GPR174: variants seen among roughly 807,000 people sequenced by gnomAD.
GPR174 encodes the protein probable G protein-coupled receptor 174.
GPR174 carries 8 observed loss-of-function variants against 16.5 expected under a neutral mutation model. The ratio of observed to expected loss-of-function variants is 0.48; its 90% CI spans 0.28 to 0.87. The LOEUF (loss-of-function observed/expected upper bound fraction) is 0.87. Ranked by LOEUF, GPR174 falls within the 40% of genes least tolerant of loss-of-function variation. GPR174 has a pLI of 0.09. For missense variants in GPR174, 214 were observed against 247.5 expected (o/e 0.86, Z 0.91); for synonymous variants, 111 against 94.8 (o/e 1.17, Z -0.99).
chrX:79,174,192 C>A lies in GPR174; in HGVS notation c.*2183C>A, dbSNP rs1243745344. 1.8e-5 allele frequency: 2 copies of A among 109,308 alleles called. No individual in the cohort carries two copies. The highest frequency in any genetic ancestry group is 6.7e-5 in the African/African-American group (2 of 30,061). 9.0% of individuals were successfully genotyped at this position (109,308 alleles called of 1,213,427 possible). Reference sequence around the variant, plus strand: ...TGTTAGGCAGCCCATTTACATCATTCCAAAAAAGGACCAGTATTCAGTGTT... The same window carrying A: ...TGTTAGGCAGCCCATTTACATCATTACAAAAAAGGACCAGTATTCAGTGTT... On this transcript the variant is annotated 3_prime_UTR_variant, in exon 3 of 3. Coordinates refer to ENST00000645147, the MANE Select transcript of GPR174 (RefSeq NM_032553.3).
At position 79,173,502 on chromosome X, in the gene GPR174, T is replaced by A. The variant is rs1253528971; in HGVS notation, c.*1493T>A. 8.9e-6 allele frequency: 1 copy of A among 112,165 alleles called. No individual in the cohort carries two copies. Among genetic ancestry groups the A allele is most frequent in the Non-Finnish European group, 1.9e-5 (1 of 53,213 alleles). 9.2% of individuals were successfully genotyped at this position (112,165 alleles called of 1,213,427 possible). A position where few individuals can be genotyped will look rare whatever the true frequency, so the allele number is the denominator to read the frequency against. On this transcript the variant is annotated 3_prime_UTR_variant, in exon 3 of 3. Transcript: ENST00000645147. ...CTATATAATGAAGATACCTTCTACG[T>A]CTCACAGAAGGAATGTAGAACCCAA...
chrX:79,158,413 G>A (rs1270709303), intron 2 of GPR174, among the ~76,000 whole-genome samples: 6 of 104,498 alleles, frequency 5.7e-5, no homozygotes, highest in African/African-American at 2.1e-4. Flanking sequence ...AGCCTACACA[G>A]ACAGTGGCAT....
In GPR174 at chrX:79,172,569, C is replaced by T. The variant is rs1486532489; in HGVS notation, c.*560C>T. On this transcript the variant is annotated 3_prime_UTR_variant, in exon 3 of 3. Transcript: ENST00000645147. The stretch of plus-strand genomic sequence containing the variant: ...CTTCAGAGTTTGAAGATTAAAATAG[C>T]TATTTTCTTCATTTTTGTGTCAACA... 8.9e-6 allele frequency: 1 copy of T among 112,271 alleles called. No homozygotes were observed. The highest frequency in any genetic ancestry group is 1.9e-5 in the Non-Finnish European group (1 of 53,334). 9.3% of individuals were successfully genotyped at this position (112,271 alleles called of 1,213,427 possible).
intron 1 of GPR174, among the ~76,000 whole-genome samples, chrX:79,145,677 T>C (rs907590243): frequency 1.8e-5 from 2 of 111,858 alleles, no homozygotes; most frequent in African/African-American, 6.5e-5. Context: ...AAATGAATGG[T>C]TATTTGAAAA....
At chrX:79,160,298 C>T (rs1177834937) in intron 2 of GPR174, among the ~76,000 whole-genome samples, 1 of 110,914 alleles carries the variant, frequency 9.0e-6, no homozygotes, top group African/African-American at 3.3e-5. Context: ...ATTTGTCACC[C>T]GTAAAATTAT....
chrX:79,173,382 G>A lies in GPR174; in HGVS notation c.*1373G>A, dbSNP rs1012973086. 4 of 112,039 alleles carry A rather than the reference G, an allele frequency of 3.6e-5. No homozygotes were observed. Among genetic ancestry groups the A allele is most frequent in the African/African-American group, 9.7e-5 (3 of 30,834 alleles). The allele number at this position is 112,039 out of a possible 1,213,427, so 9.2% of individuals were successfully genotyped here. ...GGGAAACAGACCCAGGATATTAGTCGTAATTAAACCTTAGGTTGTAAGTAT... is the reference window on the plus strand; with the variant it reads ...GGGAAACAGACCCAGGATATTAGTCATAATTAAACCTTAGGTTGTAAGTAT... On this transcript the variant is annotated 3_prime_UTR_variant, in exon 3 of 3. Coordinates refer to ENST00000645147, the MANE Select transcript of GPR174 (RefSeq NM_032553.3).
rs192057785 is a variant in GPR174 at position 79,172,779 on chromosome X, T to C, written c.*770T>C. The stretch of plus-strand genomic sequence containing the variant: ...TCCATACAAGGTGACTCAATTGGGC[T>C]CTAGGCCTAGGAGAAAGCAGAAAGG... On this transcript the variant is annotated 3_prime_UTR_variant, in exon 3 of 3. Coordinates refer to ENST00000645147, the MANE Select transcript of GPR174 (RefSeq NM_032553.3). 1 of 111,840 alleles carries C rather than the reference T, an allele frequency of 8.9e-6. No homozygotes were observed. The highest frequency in any genetic ancestry group is 3.2e-5 in the African/African-American group (1 of 30,793). The allele number at this position is 111,840 out of a possible 1,213,427, so 9.2% of individuals were successfully genotyped here. A position where few individuals can be genotyped will look rare whatever the true frequency, so the allele number is the denominator to read the frequency against.
At chrX:79,164,906 A>G (rs1027834189) in intron 2 of GPR174, among the ~76,000 whole-genome samples, 2 of 111,322 alleles carry the variant, frequency 1.8e-5, no homozygotes, top group Non-Finnish European at 3.8e-5. Flanking sequence ...TAATCTAAGG[A>G]CAGAGTCTAG....
chrX:79,156,466 T>C, intron 1 of GPR174, among the ~76,000 whole-genome samples: 1 of 112,143 alleles, frequency 8.9e-6, no homozygotes, highest in Non-Finnish European at 1.9e-5. Flanking sequence ...AGACAACTTT[T>C]ACCCTTCAAC....
At position 79,171,668 on chromosome X, in the gene GPR174, G is replaced by A; in HGVS notation, c.661G>A (p.Asp221Asn). Residue 221 changes from aspartate to asparagine, a missense_variant, in exon 3 of 3, where the codon GAT becomes AAT. Coordinates refer to ENST00000645147, the MANE Select transcript of GPR174 (RefSeq NM_032553.3). ...SLQDKYPMAQ[D>N]LGEKQKALKM... ...GCAAGATAAATATCCCATGGCCCAA[G>A]ATCTTGGAGAGAAACAGAAAGCCTT... 1 of 1,211,462 alleles carries A rather than the reference G, an allele frequency of 8.3e-7. No homozygotes were observed. Among genetic ancestry groups the A allele is most frequent in the Admixed American group, 2.2e-5 (1 of 46,042 alleles).
In GPR174 at chrX:79,162,514, C is replaced by A. The variant is rs1395837939; in HGVS notation, c.-557+5596C>A. ...CAATAGCTAAAAATTATTAAATATG[C>A]CTTTAGATTTTATAACTTGAATGGC... On this transcript the variant is annotated intron_variant, in intron 2 of 2. Transcript: ENST00000645147. Among the ~76,000 whole-genome samples, 7 of 111,987 alleles carry A rather than the reference C, an allele frequency of 6.3e-5. No individual in the cohort carries two copies. In the Admixed American group the frequency reaches 6.6e-4, roughly 11 times the overall value.
Position 79,171,078 on chromosome X carries a change from T to C in GPR174, c.71T>C (p.Val24Ala), listed in dbSNP as rs760895016. The change falls in exon 3 of 3, where the codon GTG (valine) becomes GCG (alanine). Residue 24 changes from valine (V) to alanine (A), a missense_variant. By Grantham distance (64) the Val-to-Ala change is moderately conservative. Transcript: ENST00000645147. ...NTDFRYFIYA[V>A]TYTVILVPGL... is the part of the protein sequence containing the mutation. Reference sequence around the variant, plus strand: ...GATTTTCGATACTTTATTTATGCAGTGACATACACTGTCATTCTTGTGCCA... The same window carrying C: ...GATTTTCGATACTTTATTTATGCAGCGACATACACTGTCATTCTTGTGCCA... 4 of 1,205,992 alleles carry C rather than the reference T, an allele frequency of 3.3e-6. No individual in the cohort carries two copies. Among genetic ancestry groups the C allele is most frequent in the Non-Finnish European group, 4.5e-6 (4 of 890,554 alleles).
At position 79,173,830 on chromosome X, in the gene GPR174, TA is replaced by T. The variant is rs1450495813; in HGVS notation, c.*1824del. 2.0e-4 allele frequency: 23 copies of T among 112,419 alleles called. No homozygotes were observed. Among genetic ancestry groups the T allele is most frequent in the African/African-American group, 7.4e-4 (23 of 30,979 alleles). The allele number at this position is 112,419 out of a possible 1,213,427, so 9.3% of individuals were successfully genotyped here. On this transcript the variant is annotated 3_prime_UTR_variant, in exon 3 of 3. Transcript: ENST00000645147. ...TTTCAATAAGTGTTAAACTGTATTT[TA>T]AATAGGGCATCTATAACTGTGTCTT...
At chrX:79,148,612 G>A (rs146037620) in intron 1 of GPR174, among the ~76,000 whole-genome samples, 2 of 110,902 alleles carry the variant, frequency 1.8e-5, no homozygotes, top group Admixed American at 9.6e-5. Context: ...TTATCCCCTC[G>A]GACTCAGATG....
chrX:79,162,079 G>A (rs1921248202), intron 2 of GPR174, among the ~76,000 whole-genome samples: 1 of 112,252 alleles, frequency 8.9e-6, no homozygotes, highest in African/African-American at 3.2e-5. Flanking sequence ...TGCAGGTAAA[G>A]ATGGTAATTT....
chrX:79,166,432 C>CTTTTTTTTTTTTTTTTT (rs1174620976), intron 2 of GPR174, among the ~76,000 whole-genome samples: 1 of 43,625 alleles, frequency 2.3e-5, no homozygotes, highest in Non-Finnish European at 3.7e-5. Context: ...TTTCTTTTTT[C>CTTTTTTTTTTTTTTTTT]TTTTTTTTTT....
rs3827440 is a variant in GPR174, at chrX:79,171,491, T to A, written c.484T>A (p.Ser162Thr). 4 of 1,207,969 alleles carry A rather than the reference T, an allele frequency of 3.3e-6. No individual in the cohort carries two copies. The African/African-American group carries it at 7.1e-5, about 21-fold the overall frequency. The change falls in exon 3 of 3, where the codon TCT (serine) becomes ACT (threonine). Residue 162 changes from serine (S) to threonine (T), a missense_variant. Coordinates refer to ENST00000645147, the MANE Select transcript of GPR174 (RefSeq NM_032553.3). ...FPLLRTSDDT[S>T]GNRTKCFVDL... Reference sequence around the variant, plus strand: ...ACTCCTCAGAACCAGTGATGATACCTCTGGCAATAGGACCAAATGCTTTGT... The same window carrying A: ...ACTCCTCAGAACCAGTGATGATACCACTGGCAATAGGACCAAATGCTTTGT...
chrX:79,171,429 G>C lies in GPR174; in HGVS notation c.422G>C (p.Gly141Ala). 8.3e-7 allele frequency: 1 copy of C among 1,211,293 alleles called. No individual in the cohort carries two copies. Among genetic ancestry groups the C allele is most frequent in the South Asian group, 1.8e-5 (1 of 56,967 alleles). The part of the protein sequence containing the change: ...QKYDLYISIA[G>A]WLIICLACVL... ...TATGACCTGTACATCAGCATTGCTGGCTGGCTGATCATCTGCCTTGCCTGT... is the reference window on the plus strand; with the variant it reads ...TATGACCTGTACATCAGCATTGCTGCCTGGCTGATCATCTGCCTTGCCTGT... The change falls in exon 3 of 3, where the codon GGC becomes GCC. Residue 141 changes from glycine (G) to alanine (A), a missense_variant. Gly to Ala is a moderately conservative substitution (Grantham distance 60). Transcript: ENST00000645147.
At chrX:79,152,018 T>G (rs1926610005) in intron 1 of GPR174, among the ~76,000 whole-genome samples, 1 of 111,931 alleles carries the variant, frequency 8.9e-6, no homozygotes, top group Admixed American at 9.5e-5. Flanking sequence ...TATGGCATGC[T>G]AAGGTTTAAG....
Sources: gnomAD v4.1 joint callset for allele counts (sites outside exome capture counted in the v4.1 genomes callset) on GRCh38, gnomAD v4.1.1 for gene constraint, MANE v1.5 for transcripts, NCBI Gene and HGNC (gene_info 2026-07-23, HGNC 2026-07-21) for gene names.